ZW10: variants seen among roughly 807,000 people sequenced by gnomAD.
The protein encoded by ZW10 is zw10 kinetochore protein.
In ZW10, 53 loss-of-function variants were observed where a neutral mutation model predicts 87.8. That is an observed-to-expected ratio of 0.60 (90% CI 0.48 to 0.76). The LOEUF (loss-of-function observed/expected upper bound fraction) is 0.76, where lower values mean the gene tolerates loss of function less well. Ranked by LOEUF, ZW10 falls within the 30% of genes least tolerant of loss-of-function variation. The probability of loss-of-function intolerance (pLI) is 0.00; values close to 1 mark genes in which losing one functional copy is unlikely to be tolerated. For missense variants in ZW10, 837 were observed against 923.0 expected, an observed-to-expected ratio of 0.91 and a Z score of 1.21; for synonymous variants, 312 against 329.2, an observed-to-expected ratio of 0.95 and a Z score of 0.57.
At position 113,758,563 on chromosome 11, in the gene ZW10, T is replaced by G; in HGVS notation, c.724A>C (p.Lys242Gln). Reference protein sequence around the residue: ...SVLGELHSKLKSFGQMLLKYI... With the variant: ...SVLGELHSKLQSFGQMLLKYI... The stretch of plus-strand genomic sequence containing the variant: ...AAGTAGCATGCCTTACCAAATGATT[T>G]AAGCTTGCTGTGTAGTTCTCCAAGA... The change falls in exon 6 of 16, where the codon AAA becomes CAA. Residue 242 changes from lysine (K) to glutamine (Q), a missense_variant. Lys to Gln is a moderately conservative substitution (Grantham distance 53). Coordinates refer to ENST00000200135, the MANE Select transcript of ZW10 (RefSeq NM_004724.4). 1 of 1,613,786 alleles carries G rather than the reference T, an allele frequency of 6.2e-7. No homozygotes were observed. Among genetic ancestry groups the G allele is most frequent in the East Asian group, 2.2e-5 (1 of 44,854 alleles).
At chr11:113,766,357 C>T (rs1222501174) in intron 2 of ZW10, among the ~76,000 whole-genome samples, 2 of 151,354 alleles carry the variant, frequency 1.3e-5, no homozygotes, top group East Asian at 1.9e-4. Context: ...AGAGTGAAAC[C>T]GTCTCAAAAA....
intron 1 of ZW10, among the ~76,000 whole-genome samples, chr11:113,773,087 A>G (rs1297933322): frequency 2.6e-5 from 4 of 151,900 alleles, no homozygotes; most frequent in Non-Finnish European, 5.9e-5. Flanking sequence ...TTATTCATCA[A>G]CAAATCAAGG....
intron 5 of ZW10, among the ~76,000 whole-genome samples, chr11:113,759,697 A>C (rs1236061657): frequency 6.6e-6 from 1 of 151,974 alleles, no homozygotes; most frequent in Non-Finnish European, 1.5e-5. Flanking sequence ...CTTGCAAAGC[A>C]CTCCCTAGCT....
In ZW10 at chr11:113,752,240, C is replaced by T. The variant is rs76464490; in HGVS notation, c.926-3820G>A. Among the ~76,000 whole-genome samples the T allele has an allele frequency of 6.9e-3, 1,046 of 152,204 alleles. 16 individuals carry two copies. Among genetic ancestry groups the T allele is most frequent in the Middle Eastern group, 0.031 (9 of 294 alleles). On this transcript the variant is annotated intron_variant, in intron 7 of 15. Transcript: ENST00000200135. ...CAAAAAACTTTTGTTTTCGTACTTA[C>T]GTCACACTGCACATGAACAAGATGT...
chr11:113,760,162 TG>T (rs1269160893), intron 5 of ZW10, 46 bp downstream of exon 5: 1 of 1,586,652 alleles, frequency 6.3e-7, no homozygotes, highest in African/African-American at 1.4e-5. Context: ...GACACTACAC[TG>T]GTTCAGGCAG....
At position 113,736,803 on chromosome 11, in the gene ZW10, C is replaced by A; in HGVS notation, c.2036G>T (p.Gly679Val). Residue 679 changes from glycine to valine, a missense_variant, in exon 15 of 16, where the codon GGT becomes GTT. Gly to Val is a moderately radical substitution (Grantham distance 109). Coordinates refer to ENST00000200135, the MANE Select transcript of ZW10 (RefSeq NM_004724.4). ...TALEDISTEDGDRLYSLCKTV... is the reference protein window; with the variant it reads ...TALEDISTEDVDRLYSLCKTV... ...TTTGCATAAGGAATATAACCTATCA[C>A]CATCTTCAGTAGATATGTCCTGGTT... 6.2e-7 allele frequency: 1 copy of A among 1,614,116 alleles called. No homozygotes were observed. The highest frequency in any genetic ancestry group is 8.5e-7 in the Non-Finnish European group (1 of 1,180,006).
At chr11:113,770,923 C>T (rs1953958828) in intron 1 of ZW10, among the ~76,000 whole-genome samples, 2 of 149,348 alleles carry the variant, frequency 1.3e-5, no homozygotes, top group Non-Finnish European at 3.0e-5. Flanking sequence ...CACACAGGCT[C>T]ATTAACGTCA....
At chr11:113,736,850 G>T in intron 14 of ZW10, 28 bp from the exon 15 acceptor site, 1 of 1,608,228 alleles carries the variant, frequency 6.2e-7, no homozygotes, top group Non-Finnish European at 8.5e-7. Flanking sequence ...AAACACAATA[G>T]AATAGAATTG....
At chr11:113,755,164 G>A (rs1240543680) in intron 7 of ZW10, among the ~76,000 whole-genome samples, 1 of 152,136 alleles carries the variant, frequency 6.6e-6, no homozygotes, top group East Asian at 1.9e-4. Flanking sequence ...TATTATTCAA[G>A]AAATAAAATA....
chr11:113,736,769 C>A lies in ZW10; in HGVS notation c.2070G>T (p.Met690Ile). The change falls in exon 15 of 16, where the codon ATG becomes ATT. Residue 690 changes from methionine to isoleucine, a missense_variant. Met to Ile is a conservative substitution (Grantham distance 10). Transcript: ENST00000200135. ...GTGCAAATACTTGGGGTCCTTCATC[C>A]ATCACTGTTTTGCATAAGGAATATA... ...DRLYSLCKTV[M>I]DEGPQVFAPL... 1 of 1,614,116 alleles carries A rather than the reference C, an allele frequency of 6.2e-7. No homozygotes were observed. Among genetic ancestry groups the A allele is most frequent in the Non-Finnish European group, 8.5e-7 (1 of 1,180,016 alleles).
At chr11:113,752,854 T>C (rs1295525071) in intron 7 of ZW10, among the ~76,000 whole-genome samples, 1 of 152,172 alleles carries the variant, frequency 6.6e-6, no homozygotes, top group Non-Finnish European at 1.5e-5. Context: ...TCTCACTTTA[T>C]ATCAAAAGCT....
In ZW10 at chr11:113,739,346, A is replaced by G. The variant is rs748369949; in HGVS notation, c.1620T>C (p.Ile540=). Residue 540 remains isoleucine, a synonymous_variant, in exon 12 of 16, where the codon ATT becomes ATC. Transcript: ENST00000200135. ...CAATGTACATACAGTTGTTGTGATG[A>G]ATAGCAGCCAACTGGGGAAGTTTTT... The part of the protein sequence containing the change: ...NLQKLPQLAA[I]HHNNCMYIAH... The G allele has an allele frequency of 1.9e-6, 3 of 1,604,686 alleles. No homozygotes were observed. In the East Asian group the frequency reaches 6.8e-5, roughly 36 times the overall value.
At chr11:113,739,437 G>T in intron 11 of ZW10, 55 bp from the exon 12 acceptor site, 1 of 1,505,372 alleles carries the variant, frequency 6.6e-7, no homozygotes. Flanking sequence ...CTGAAGCTGG[G>T]GTTGATGAAA....
intron 1 of ZW10, chr11:113,770,289 A>C: frequency 6.6e-6 from 1 of 151,020 alleles, no homozygotes; most frequent in Non-Finnish European, 1.5e-5. Context: ...GGGTTTCACC[A>C]TGTTGGCCAG....
intron 11 of ZW10, among the ~76,000 whole-genome samples, chr11:113,741,063 T>TA (rs1362884440): frequency 6.6e-6 from 1 of 151,510 alleles, no homozygotes; most frequent in Non-Finnish European, 1.5e-5. Flanking sequence ...TGAGCCTAGT[T>TA]AAAAACATCC....
chr11:113,772,167 G>A (rs546042524), intron 1 of ZW10, among the ~76,000 whole-genome samples: 67 of 152,252 alleles, frequency 4.4e-4, no homozygotes, highest in Admixed American at 3.3e-3. Context: ...GGGAGGGAGA[G>A]CAGAGAAAGT....
intron 11 of ZW10, among the ~76,000 whole-genome samples, chr11:113,740,845 G>A (rs1953607813): frequency 1.3e-5 from 2 of 152,132 alleles, no homozygotes. Context: ...AAAGTTCCGA[G>A]GTTATACGAA....
At chr11:113,741,480 A>G (rs1953618072) in intron 11 of ZW10, among the ~76,000 whole-genome samples, 2 of 152,258 alleles carry the variant, frequency 1.3e-5, no homozygotes, top group Non-Finnish European at 2.9e-5. Context: ...AATGTGCATC[A>G]TGAACTACAC....
intron 5 of ZW10, among the ~76,000 whole-genome samples, chr11:113,759,557 A>G (rs540125377): frequency 6.6e-6 from 1 of 152,320 alleles, no homozygotes; most frequent in South Asian, 2.1e-4. Context: ...TCCTTTAAAT[A>G]CAGCCTCTGA....
Sources: gnomAD v4.1 joint callset for allele counts (sites outside exome capture counted in the v4.1 genomes callset) on GRCh38, gnomAD v4.1.1 for gene constraint, MANE v1.5 for transcripts, NCBI Gene and HGNC (gene_info 2026-07-23, HGNC 2026-07-21) for gene names.